CFAP70: variants seen among roughly 807,000 people sequenced by gnomAD.
CFAP70 encodes cilia- and flagella-associated protein 70.
A neutral mutation model predicts 137.6 loss-of-function variants in CFAP70; 81 were observed. The observed-to-expected ratio is 0.59, with a 90% confidence interval of 0.49 to 0.71. The LOEUF (loss-of-function observed/expected upper bound fraction) is 0.71. Among genes scored for constraint, CFAP70 ranks in the 30% least tolerant of loss-of-function variants. The probability of loss-of-function intolerance (pLI) is 0.00; values close to 1 mark genes in which losing one functional copy is unlikely to be tolerated. For synonymous variants in CFAP70, 382 were observed against 423.6 expected, an observed-to-expected ratio of 0.90 and a Z score of 1.20; for missense variants, 976 against 1,226.7, an observed-to-expected ratio of 0.80 and a Z score of 3.05.
chr10:73,339,065 T>A (rs144861099), intron 6 of CFAP70, among the ~76,000 whole-genome samples: 2 of 152,084 alleles, frequency 1.3e-5, no homozygotes, highest in African/African-American at 4.8e-5. Flanking sequence ...ATTACAGGTG[T>A]GTGCCAACGT....
At chr10:73,291,909 G>C in exon 17 of CFAP70, 1 of 1,614,152 alleles carries the variant, frequency 6.2e-7, no homozygotes. Context: ...TTGAGGGAAA[G>C]GGCTTTCTGA....
chr10:73,310,953 C>G (rs1194055082), intron 11 of CFAP70, among the ~76,000 whole-genome samples: 1 of 152,140 alleles, frequency 6.6e-6, no homozygotes, highest in Admixed American at 6.5e-5. Flanking sequence ...CAAGAAAAGC[C>G]TGCAGCCCTA....
chr10:73,266,342 C>T (rs1354102787), intron 25 of CFAP70, among the ~76,000 whole-genome samples: 3 of 152,140 alleles, frequency 2.0e-5, no homozygotes, highest in African/African-American at 4.8e-5. Context: ...TAGTAACCAT[C>T]ATTGTTAGTT....
chr10:73,280,300 C>G (rs1010150311), intron 19 of CFAP70, among the ~76,000 whole-genome samples: 8 of 152,080 alleles, frequency 5.3e-5, no homozygotes, highest in Middle Eastern at 3.4e-3. Context: ...AAAACCTTGT[C>G]TCTTAAAAAA....
chr10:73,285,271 A>C (rs2047606132), intron 19 of CFAP70, among the ~76,000 whole-genome samples: 1 of 152,202 alleles, frequency 6.6e-6, no homozygotes, highest in African/African-American at 2.4e-5. Flanking sequence ...CCAGTTAAAC[A>C]GAGTAGATAG....
chr10:73,291,830 G>A (rs771033447), intron 17 of CFAP70, 51 bp downstream of exon 18: 3 of 1,613,472 alleles, frequency 1.9e-6, no homozygotes, highest in Admixed American at 3.3e-5. Context: ...ATTTCACGTA[G>A]AAACTTATCT....
At chr10:73,286,508 C>T (rs942343494) in intron 19 of CFAP70, among the ~76,000 whole-genome samples, 1 of 151,890 alleles carries the variant, frequency 6.6e-6, no homozygotes, top group Non-Finnish European at 1.5e-5. Flanking sequence ...AGTTTACCAA[C>T]AGAGTGTCCT....
chr10:73,338,267 C>T (rs999632834), intron 6 of CFAP70, among the ~76,000 whole-genome samples: 3 of 151,026 alleles, frequency 2.0e-5, no homozygotes, highest in African/African-American at 7.3e-5. Context: ...TCTCTTGCCT[C>T]AGCTTCCCAA....
chr10:73,299,498 C>A, intron 13 of CFAP70, 107 bp downstream of exon 14: 1 of 894,750 alleles, frequency 1.1e-6, no homozygotes, highest in Non-Finnish European at 1.8e-6. Flanking sequence ...AAGCTTCAAA[C>A]AAGTTTTCAC....
intron 25 of CFAP70, among the ~76,000 whole-genome samples, chr10:73,264,255 C>G (rs905567143): frequency 7.2e-5 from 11 of 152,184 alleles, no homozygotes; most frequent in Non-Finnish European, 1.6e-4. Flanking sequence ...TCCTTCTAAA[C>G]TGGACAAATG....
At chr10:73,279,952 A>C (rs1021455808) in intron 19 of CFAP70, among the ~76,000 whole-genome samples, 1 of 152,152 alleles carries the variant, frequency 6.6e-6, no homozygotes, top group South Asian at 2.1e-4. Flanking sequence ...AAAACTTACC[A>C]GTTTTCTCAA....
At chr10:73,315,428 A>G (rs780741487) in intron 9 of CFAP70, among the ~76,000 whole-genome samples, 4 of 152,010 alleles carry the variant, frequency 2.6e-5, no homozygotes, top group Non-Finnish European at 5.9e-5. Context: ...GCTTTTAGCT[A>G]TTACAAATAA....
intron 7 of CFAP70, among the ~76,000 whole-genome samples, chr10:73,332,394 C>G (rs931566173): frequency 1.3e-5 from 2 of 152,132 alleles, no homozygotes; most frequent in Non-Finnish European, 2.9e-5. Context: ...TTCTCCCTAT[C>G]AAAGGGTTGA....
At chr10:73,351,033 A>ATG (rs2054173795) in intron 3 of CFAP70, among the ~76,000 whole-genome samples, 2 of 129,498 alleles carry the variant, frequency 1.5e-5, no homozygotes, top group Admixed American at 1.6e-4. Context: ...ATATGTGTAT[A>ATG]TGTGTGTATA....
intron 19 of CFAP70, among the ~76,000 whole-genome samples, chr10:73,278,898 G>A (rs1385346438): frequency 2.6e-5 from 4 of 150,952 alleles, no homozygotes; most frequent in African/African-American, 9.8e-5. Flanking sequence ...GGAGAATGGC[G>A]TGAACCCAGG....
chr10:73,307,388 A>G (rs1312937622), intron 12 of CFAP70, among the ~76,000 whole-genome samples: 1 of 152,242 alleles, frequency 6.6e-6, no homozygotes, highest in Non-Finnish European at 1.5e-5. Flanking sequence ...ATGTAAATGG[A>G]TTAAACTTTC....
chr10:73,312,374 A>C (rs997999091), intron 10 of CFAP70, 99 bp downstream of exon 11: 2 of 908,724 alleles, frequency 2.2e-6, no homozygotes, highest in Admixed American at 2.6e-5. Context: ...ATTAAAAAAA[A>C]ATGCAAACTA....
At chr10:73,293,415 A>C in intron 15 of CFAP70, 27 bp from the exon 17 acceptor site, 1 of 1,548,396 alleles carries the variant, frequency 6.5e-7, no homozygotes, top group Non-Finnish European at 8.7e-7. Flanking sequence ...TGTTAGGTAG[A>C]CAAAAATGAA....
intron 9 of CFAP70, among the ~76,000 whole-genome samples, chr10:73,316,487 GATATATATATAT>G (rs551707557): frequency 9.9e-6 from 1 of 100,946 alleles, no homozygotes; most frequent in Non-Finnish European, 1.9e-5. Context: ...TATAGATATA[GATATATATATAT>G]ATATATATAT....
Sources: allele counts gnomAD v4.1 joint callset (sites outside exome capture counted in the v4.1 genomes callset), GRCh38; gene constraint gnomAD v4.1.1; transcripts MANE v1.5; gene names NCBI Gene and HGNC (gene_info 2026-07-23, HGNC 2026-07-21).